The following GALNT9 variants were observed in gnomAD, a reference collection of about 807,000 sequenced individuals.
The protein encoded by GALNT9 is GalNAc transferase 9.
In GALNT9, 47 loss-of-function variants were observed where a neutral mutation model predicts 63.1. The observed-to-expected ratio is 0.75, with a 90% CI of 0.59 to 0.95. GALNT9 has a LOEUF of 0.95. Among genes scored for constraint, GALNT9 ranks in the 40% least tolerant of loss-of-function variants. The probability of loss-of-function intolerance (pLI) is 0.00; values close to 1 mark genes in which losing one functional copy is unlikely to be tolerated. For missense variants in GALNT9, 829 were observed against 874.8 expected, an observed-to-expected ratio of 0.95 and a Z score of 0.66; for synonymous variants, 396 against 365.7, an observed-to-expected ratio of 1.08 and a Z score of -0.94.
intron 1 of GALNT9, among the ~76,000 whole-genome samples, chr12:132,304,504 G>T (rs1881482259): frequency 1.5e-5 from 1 of 64,606 alleles, no homozygotes; most frequent in Non-Finnish European, 2.6e-5. Context: ...CCCTTGCCCG[G>T]GCACACCCTC....
intron 2 of GALNT9, among the ~76,000 whole-genome samples, chr12:132,264,621 C>G (rs1432603219): frequency 2.6e-5 from 4 of 152,224 alleles, no homozygotes; most frequent in African/African-American, 9.6e-5. Flanking sequence ...GGGTTTGAGT[C>G]CAGGGCAGCA....
Position 132,197,401 on chromosome 12 carries a change from G to T in GALNT9, c.1666-148C>A, listed in dbSNP as rs75443449. On this transcript the variant is annotated intron_variant, in intron 10 of 10. Transcript: ENST00000328957. ...AAGCCAGCATCACAGCAGCACCCAG[G>T]GGGGCCGGGAAGGGGCTGACTTCAG... is the stretch of plus-strand genomic sequence containing the variant. 3.8e-3 allele frequency: 4,653 copies of T among 1,219,446 alleles called. 142 individuals carry two copies. In the African/African-American group the frequency reaches 0.061, roughly 16 times the overall value. The allele number at this position is 1,219,446 out of a possible 1,614,324, so 75.5% of individuals were successfully genotyped here. A position where few individuals can be genotyped will look rare whatever the true frequency, so the allele number is the denominator to read the frequency against.
chr12:132,318,505 C>T (rs1868628128), intron 1 of GALNT9, among the ~76,000 whole-genome samples: 1 of 152,368 alleles, frequency 6.6e-6, no homozygotes, highest in Middle Eastern at 3.4e-3. Context: ...CCCATCAGCA[C>T]AGGGCCTCAG....
chr12:132,228,288 G>A (rs1293509493), intron 6 of GALNT9, among the ~76,000 whole-genome samples: 18 of 151,784 alleles, frequency 1.2e-4, no homozygotes, highest in African/African-American at 3.4e-4. Context: ...CCTCCCCAGC[G>A]TCCCTCTGAC....
chr12:132,257,520 G>A (rs1334392695), intron 5 of GALNT9, among the ~76,000 whole-genome samples, 169 bp downstream of exon 5: 19 of 109,312 alleles, frequency 1.7e-4, no homozygotes, highest in Non-Finnish European at 3.2e-4. Context: ...CCACGCCCTC[G>A]TCCCCGGCCC....
intron 1 of GALNT9, among the ~76,000 whole-genome samples, chr12:132,295,879 GGAACAGGGAGAGCCTCC>G (rs1555243176): frequency 2.8e-5 from 3 of 108,426 alleles, no homozygotes; most frequent in African/African-American, 4.2e-5. Context: ...GACGGCCTCC[GGAACAGGGAGAGCCTCC>G]GAACAGGGAG....
In GALNT9 at chr12:132,301,584, G is replaced by A. The variant is rs150768897; in HGVS notation, c.239-15154C>T. On this transcript the variant is annotated intron_variant, in intron 1 of 10. Transcript: ENST00000328957. Reference sequence around the variant, plus strand: ...GATGGCTGTGCGAACATTCACCGCCGGCACAGCAGGAGGACTGCCTGGTGG... The same window carrying A: ...GATGGCTGTGCGAACATTCACCGCCAGCACAGCAGGAGGACTGCCTGGTGG... Among the ~76,000 whole-genome samples the A allele has an allele frequency of 3.6e-3, 556 of 152,342 alleles. 11 individuals are homozygous for A. The highest frequency in any genetic ancestry group is 0.028 in the Admixed American group (423 of 15,314).
Position 132,316,495 on chromosome 12 carries a change from G to T in GALNT9, c.238+12471C>A, listed in dbSNP as rs1555245697. Among the ~76,000 whole-genome samples the T allele has an allele frequency of 6.6e-6, 1 of 152,052 alleles. No homozygotes were observed. The highest frequency in any genetic ancestry group is 2.4e-5 in the African/African-American group (1 of 41,368). On this transcript the variant is annotated intron_variant, in intron 1 of 10. Coordinates refer to ENST00000328957, the MANE Select transcript of GALNT9 (RefSeq NM_001122636.2). The surrounding 1 kb of genome is among the most constrained non-coding windows in gnomAD (Gnocchi z 4.3). ...GATGACCTTGCTTCCTTCCTCCCTG[G>T]GAAACGGAGAATCAGGAGCACCCGA...
rs1005463268 is a variant in GALNT9 at position 132,197,830 on chromosome 12, C to T, written c.1627G>A (p.Val543Met). Reference protein sequence around the residue: ...RMPTLKKCEDVARPTQRLWDF... With the variant: ...RMPTLKKCEDMARPTQRLWDF... The stretch of plus-strand genomic sequence containing the variant: ...CACAGCCGCTGTGTTGGCCGCGCCA[C>T]ATCCTCACACTTCTTCAGGGTGGGC... The change falls in exon 10 of 11, where the codon GTG becomes ATG. Residue 543 changes from valine to methionine, a missense_variant. By Grantham distance (21) the Val-to-Met change is conservative. Coordinates refer to ENST00000328957, the MANE Select transcript of GALNT9 (RefSeq NM_001122636.2). 5 of 1,603,388 alleles carry T rather than the reference C, an allele frequency of 3.1e-6. No homozygotes were observed. The highest frequency in any genetic ancestry group is 4.3e-6 in the Non-Finnish European group (5 of 1,176,184).
rs1482076126 is a variant in GALNT9 at position 132,199,284 on chromosome 12, C to T, written c.1402-15G>A. Reference sequence around the variant, plus strand: ...CTGTTTCTCACCTGCAAGCAGAAGCCCCAGGAGAAAGTCCAGAGTCACCCG... The same window carrying T: ...CTGTTTCTCACCTGCAAGCAGAAGCTCCAGGAGAAAGTCCAGAGTCACCCG... On this transcript the variant is annotated splice_polypyrimidine_tract_variant and intron_variant, in intron 8 of 10. Transcript: ENST00000328957. 4.4e-6 allele frequency: 7 copies of T among 1,584,804 alleles called. No homozygotes were observed. The highest frequency in any genetic ancestry group is 6.0e-6 in the Non-Finnish European group (7 of 1,163,212).
intron 1 of GALNT9, among the ~76,000 whole-genome samples, chr12:132,303,933 A>G (rs1555244195): frequency 4.3e-5 from 2 of 46,668 alleles, no homozygotes; most frequent in Non-Finnish European, 8.1e-5. Flanking sequence ...GCCCAGACAC[A>G]CCCTCGCCCG....
intron 8 of GALNT9, among the ~76,000 whole-genome samples, chr12:132,199,884 G>A (rs556854583): frequency 4.6e-5 from 7 of 152,070 alleles, no homozygotes; most frequent in African/African-American, 1.2e-4. Context: ...TGTCCACCGC[G>A]TCTCCAGGCT....
chr12:132,249,188 G>A (rs150126280), intron 5 of GALNT9, among the ~76,000 whole-genome samples: 4 of 152,358 alleles, frequency 2.6e-5, no homozygotes, highest in South Asian at 2.1e-4. Context: ...TTCCTTGTCC[G>A]TGGAGAGCTT....
Position 132,319,190 on chromosome 12 carries a change from G to A in GALNT9, c.238+9776C>T, listed in dbSNP as rs935241037. On this transcript the variant is annotated intron_variant, in intron 1 of 10. Transcript: ENST00000328957. The surrounding 1 kb of genome is among the most constrained non-coding windows in gnomAD (Gnocchi z 5.2). Reference sequence around the variant, plus strand: ...AGGGCCTTGGATGCCCAGGTGGCTGGAAGTATTGCTTCCAGGTGCGTCTGT... The same window carrying A: ...AGGGCCTTGGATGCCCAGGTGGCTGAAAGTATTGCTTCCAGGTGCGTCTGT... Among the ~76,000 whole-genome samples, 1 of 152,196 alleles carries A rather than the reference G, an allele frequency of 6.6e-6. No individual in the cohort carries two copies. Among genetic ancestry groups the A allele is most frequent in the African/African-American group, 2.4e-5 (1 of 41,446 alleles).
At chr12:132,226,314 C>T (rs1877685091) in intron 6 of GALNT9, among the ~76,000 whole-genome samples, 2 of 150,098 alleles carry the variant, frequency 1.3e-5, no homozygotes, top group African/African-American at 4.9e-5. Context: ...ACACGCTGCA[C>T]ATACTGTACA....
chr12:132,263,860 G>C lies in GALNT9; in HGVS notation c.420-1235C>G, dbSNP rs371406096. Reference sequence around the variant, plus strand: ...GTGGAGGAAGCTGCTGGCCTCTGGGGGACAGTGGTGGACTCCACCCTTCTT... The same window carrying C: ...GTGGAGGAAGCTGCTGGCCTCTGGGCGACAGTGGTGGACTCCACCCTTCTT... On this transcript the variant is annotated intron_variant, in intron 2 of 10. Transcript: ENST00000328957. 1.9e-4 allele frequency among the ~76,000 whole-genome samples: 29 copies of C among 152,256 alleles called. No homozygotes were observed. In the East Asian group the frequency reaches 4.2e-3, roughly 22 times the overall value.
intron 3 of GALNT9, 36 bp from the exon 4 acceptor site, chr12:132,261,158 G>A (rs1022272382): frequency 1.3e-6 from 2 of 1,545,018 alleles, no homozygotes; most frequent in Non-Finnish European, 1.7e-6. Context: ...GCTGGCAGGT[G>A]CTGGCAGGCG....
chr12:132,289,793 G>T (rs1360585945), intron 1 of GALNT9, among the ~76,000 whole-genome samples: 1 of 152,208 alleles, frequency 6.6e-6, no homozygotes, highest in Non-Finnish European at 1.5e-5. Flanking sequence ...AGCAGCCCCT[G>T]GTCCAGACGC....
At position 132,328,974 on chromosome 12, in the gene GALNT9, T is replaced by G; in HGVS notation, c.230A>C (p.Gln77Pro). Residue 77 changes from glutamine to proline, a missense_variant, in exon 1 of 11, where the codon CAG becomes CCG. Coordinates refer to ENST00000328957, the MANE Select transcript of GALNT9 (RefSeq NM_001122636.2). ...CCGGCGCCCCCGCTCACCGTTGAGC[T>G]GGTTGTAGACCACCTCCTCCAGGTG... ...LDHLEEVVYN[Q>P]LNGLAKPIGL... 2 of 1,532,604 alleles carry G rather than the reference T, an allele frequency of 1.3e-6. No homozygotes were observed. Among genetic ancestry groups the G allele is most frequent in the Non-Finnish European group, 1.8e-6 (2 of 1,139,978 alleles). The allele number at this position is 1,532,604 out of a possible 1,614,324, so 94.9% of individuals were successfully genotyped here.
Sources: allele counts gnomAD v4.1 joint callset (sites outside exome capture counted in the v4.1 genomes callset), GRCh38; gene constraint gnomAD v4.1.1; non-coding constraint Gnocchi (gnomAD v3.1); transcripts MANE v1.5; gene names NCBI Gene and HGNC (gene_info 2026-07-23, HGNC 2026-07-21).